The following PTPRN2 variants were observed in gnomAD, a reference collection of about 807,000 sequenced individuals.
PTPRN2 encodes the protein protein tyrosine phosphatase receptor type N2.
PTPRN2 carries 74 observed loss-of-function variants against 118.8 expected under a neutral mutation model. The observed-to-expected ratio is 0.62, with a 90% CI of 0.52 to 0.76. The LOEUF (loss-of-function observed/expected upper bound fraction) is 0.76. Ranked by LOEUF, PTPRN2 falls within the 30% of genes least tolerant of loss-of-function variation. The pLI is 0.00. For missense variants in PTPRN2, 1,481 were observed against 1,394.4 expected, an observed-to-expected ratio of 1.06 and a Z score of -0.99; for synonymous variants, 641 against 608.0, an observed-to-expected ratio of 1.05 and a Z score of -0.80.
At chr7:158,417,832 A>G (rs1814845349) in intron 2 of PTPRN2, among the ~76,000 whole-genome samples, 1 of 143,106 alleles carries the variant, frequency 7.0e-6, no homozygotes, top group Non-Finnish European at 1.5e-5. Context: ...CGCTGTGTTA[A>G]GTCACAGTGT....
rs577928049 is a variant in PTPRN2, at chr7:158,440,857, G to A, written c.163+48878C>T. On this transcript the variant is annotated intron_variant, in intron 2 of 22. Coordinates refer to ENST00000389418, the MANE Select transcript of PTPRN2 (RefSeq NM_002847.5). ...GGTGATGGCAGTGACGGGGGTGGTG[G>A]TGGGGGCAGTGGTATTGGTGGTGGT... Among the ~76,000 whole-genome samples, 35 of 131,722 alleles carry A rather than the reference G, an allele frequency of 2.7e-4. 1 individual carries two copies. The highest frequency in any genetic ancestry group is 6.7e-4 in the African/African-American group (23 of 34,362). 86.4% of individuals were successfully genotyped at this position (131,722 alleles called of 152,430 possible).
At chr7:158,157,828 G>A (rs547374588) in intron 6 of PTPRN2, among the ~76,000 whole-genome samples, 2 of 152,334 alleles carry the variant, frequency 1.3e-5, no homozygotes, top group East Asian at 3.9e-4. Context: ...ACGGTGTGCT[G>A]ACACACAGGA....
chr7:157,685,063 GCGCCCCTCGC>G (rs1563342997), intron 12 of PTPRN2, among the ~76,000 whole-genome samples: 1 of 151,902 alleles, frequency 6.6e-6, no homozygotes, highest in African/African-American at 2.4e-5. Context: ...GGCCCGGCCT[GCGCCCCTCGC>G]CGCCCCTCGC....
At chr7:158,564,183 T>G (rs574830121) in intron 1 of PTPRN2, among the ~76,000 whole-genome samples, 1 of 152,304 alleles carries the variant, frequency 6.6e-6, no homozygotes, top group African/African-American at 2.4e-5. Context: ...CTGCAGGATA[T>G]TCTGTGGTGT....
intron 12 of PTPRN2, among the ~76,000 whole-genome samples, chr7:157,880,022 C>T (rs1048532303): frequency 6.6e-6 from 1 of 152,182 alleles, no homozygotes; most frequent in East Asian, 1.9e-4. Context: ...TTCACATAAA[C>T]TGACAGTCCT....
intron 2 of PTPRN2, among the ~76,000 whole-genome samples, chr7:158,406,759 A>G (rs977552471): frequency 6.6e-6 from 1 of 152,230 alleles, no homozygotes; most frequent in Admixed American, 6.5e-5. Flanking sequence ...ATACCTGGCT[A>G]AACTTCAAAA....
intron 15 of PTPRN2, among the ~76,000 whole-genome samples, chr7:157,612,840 C>T (rs2150604815): frequency 6.6e-6 from 1 of 152,298 alleles, no homozygotes; most frequent in South Asian, 2.1e-4. Flanking sequence ...TCCACAGAGG[C>T]GCTGGGGTGA....
At chr7:158,217,878 G>A (rs961106541) in intron 3 of PTPRN2, among the ~76,000 whole-genome samples, 7 of 151,968 alleles carry the variant, frequency 4.6e-5, no homozygotes, top group African/African-American at 1.7e-4. Flanking sequence ...ATCAACACAG[G>A]CAGACAAAAA....
intron 2 of PTPRN2, among the ~76,000 whole-genome samples, chr7:158,410,761 T>C (rs113937842): frequency 6.6e-6 from 1 of 151,646 alleles, no homozygotes; most frequent in Non-Finnish European, 1.5e-5. Flanking sequence ...GGGCCCTAAA[T>C]GTAGTGATTG....
intron 3 of PTPRN2, among the ~76,000 whole-genome samples, chr7:158,252,670 G>A (rs1007504551): frequency 3.3e-5 from 5 of 152,184 alleles, no homozygotes; most frequent in Admixed American, 3.3e-4. Context: ...ACAGACGCGT[G>A]ACAGGCACCC....
At chr7:158,569,993 G>A (rs1284638604) in intron 1 of PTPRN2, among the ~76,000 whole-genome samples, 2 of 152,170 alleles carry the variant, frequency 1.3e-5, no homozygotes, top group Admixed American at 6.5e-5. Flanking sequence ...GCAGACGGGG[G>A]AGCCCAGAGC....
chr7:157,563,055 A>C, intron 21 of PTPRN2, among the ~76,000 whole-genome samples: 1 of 131,750 alleles, frequency 7.6e-6, no homozygotes, highest in East Asian at 2.3e-4. Flanking sequence ...CTCCCGCATC[A>C]CCACACACCA....
chr7:158,197,253 G>C (rs1826279473), intron 4 of PTPRN2, among the ~76,000 whole-genome samples: 1 of 152,160 alleles, frequency 6.6e-6, no homozygotes, highest in Admixed American at 6.5e-5. Flanking sequence ...CCACTTCTGG[G>C]TATCAGCAAG....
At chr7:158,334,058 C>T (rs373005323) in intron 2 of PTPRN2, among the ~76,000 whole-genome samples, 1 of 41,202 alleles carries the variant, frequency 2.4e-5, no homozygotes, top group African/African-American at 9.0e-5. Context: ...AGCTGACGCC[C>T]GCAGACGTCA....
intron 2 of PTPRN2, among the ~76,000 whole-genome samples, chr7:158,462,260 G>C (rs1819061488): frequency 6.6e-6 from 1 of 152,202 alleles, no homozygotes; most frequent in African/African-American, 2.4e-5. Context: ...AGGCAGTGCA[G>C]ATCCTCATAC....
chr7:157,564,791 C>T (rs187722625), intron 21 of PTPRN2, among the ~76,000 whole-genome samples: 47 of 152,366 alleles, frequency 3.1e-4, no homozygotes, highest in African/African-American at 8.7e-4. Context: ...AAGAGAATTA[C>T]GGTCGATGTG....
rs1196844049 is a variant in PTPRN2 at position 157,596,638 on chromosome 7, T to A, written c.2419-1323A>T. 1.3e-5 allele frequency among the ~76,000 whole-genome samples: 2 copies of A among 151,970 alleles called. No homozygotes were observed. The highest frequency in any genetic ancestry group is 4.8e-5 in the African/African-American group (2 of 41,372). Reference sequence around the variant, plus strand: ...CGAAGATACCAGGACATCACTATCATCCCCAGGGCTCACCAGCTCCTCCCC... The same window carrying A: ...CGAAGATACCAGGACATCACTATCAACCCCAGGGCTCACCAGCTCCTCCCC... On this transcript the variant is annotated intron_variant, in intron 16 of 22. Coordinates refer to ENST00000389418, the MANE Select transcript of PTPRN2 (RefSeq NM_002847.5). The surrounding 1 kb of genome is among the most constrained non-coding windows in gnomAD (Gnocchi z 4.2).
At chr7:157,577,211 C>T (rs1800104150) in intron 18 of PTPRN2, among the ~76,000 whole-genome samples, 1 of 152,192 alleles carries the variant, frequency 6.6e-6, no homozygotes, top group South Asian at 2.1e-4. Context: ...TGCGCACACC[C>T]GGGTCTAGAG....
In PTPRN2 at chr7:158,396,488, C is replaced by T. The variant is rs371910784; in HGVS notation, c.164-79556G>A. On this transcript the variant is annotated intron_variant, in intron 2 of 22. Coordinates refer to ENST00000389418, the MANE Select transcript of PTPRN2 (RefSeq NM_002847.5). ...ACATGCATGTGATTTTGTTCACATG[C>T]ATGCACATGTGGAGGGAGCGAGCTG... 1.5e-3 allele frequency among the ~76,000 whole-genome samples: 223 copies of T among 151,542 alleles called. 4 individuals are homozygous for T. The South Asian group carries it at 0.045, about 31-fold the overall frequency.
Sources: allele counts gnomAD v4.1 joint callset (sites outside exome capture counted in the v4.1 genomes callset), GRCh38; gene constraint gnomAD v4.1.1; non-coding constraint Gnocchi (gnomAD v3.1); transcripts MANE v1.5; gene names NCBI Gene and HGNC (gene_info 2026-07-23, HGNC 2026-07-21).